The following DIP2B variants were observed in gnomAD, a reference collection of about 807,000 sequenced individuals.
The protein encoded by DIP2B is disco-interacting protein 2 homolog B.
Under a neutral mutation model 198.0 loss-of-function variants are expected in DIP2B, and 76 were observed. The ratio of observed to expected loss-of-function variants is 0.38; its 90% CI spans 0.32 to 0.46. The LOEUF is 0.46. DIP2B is among the 20% of genes least tolerant of loss of function. The pLI is 0.99. For synonymous variants in DIP2B, 701 were observed against 739.1 expected (o/e 0.95, Z 0.84); for missense variants, 1,559 against 1,978.4 (o/e 0.79, Z 4.02).
rs1205734576 is a variant in DIP2B at position 50,664,830 on chromosome 12, G to GTTTTTTTTTTTT, written c.427+4516_427+4517insTTTTTTTTTTTT. Among the ~76,000 whole-genome samples the GTTTTTTTTTTTT allele has an allele frequency of 6.0e-5, 6 of 99,686 alleles. 1 individual carries two copies. The highest frequency in any genetic ancestry group is 2.5e-4 in the African/African-American group (6 of 23,964). The allele number at this position is 99,686 out of a possible 152,430, so 65.4% of individuals were successfully genotyped here. A position where few individuals can be genotyped will look rare whatever the true frequency, so the allele number is the denominator to read the frequency against. ...CAAGGAGAATTTCCCTCCTTTTTTG[G>GTTTTTTTTTTTT]TTTTTGTTTTTTTTTTTTTTTTTTT... On this transcript the variant is annotated intron_variant, in intron 4 of 37. Coordinates refer to ENST00000301180, the MANE Select transcript of DIP2B (RefSeq NM_173602.3).
intron 31 of DIP2B, 143 bp downstream of exon 31, chr12:50,731,680 C>T (rs1940045380): frequency 2.0e-6 from 2 of 1,004,580 alleles, no homozygotes; most frequent in African/African-American, 3.2e-5. Context: ...GTATTTTAAA[C>T]TTTGGCAAGT....
chr12:50,629,943 T>C (rs917955765), intron 2 of DIP2B, among the ~76,000 whole-genome samples: 2 of 147,156 alleles, frequency 1.4e-5, no homozygotes, highest in African/African-American at 5.0e-5. Context: ...TTTTGGTAAA[T>C]TTAATTTTTT....
At chr12:50,533,877 A>C (rs1177265001) in intron 1 of DIP2B, among the ~76,000 whole-genome samples, 1 of 152,108 alleles carries the variant, frequency 6.6e-6, no homozygotes, top group East Asian at 1.9e-4. Flanking sequence ...GGAGTGAGCC[A>C]CTGAGCCGGG....
intron 1 of DIP2B, among the ~76,000 whole-genome samples, chr12:50,604,937 C>T (rs776902719): frequency 7.2e-5 from 11 of 152,082 alleles, no homozygotes; most frequent in South Asian, 2.1e-4. Context: ...AAGGATAGTA[C>T]GTAGCCGGTA....
In DIP2B at chr12:50,732,405, G is replaced by A. The variant is rs758802436; in HGVS notation, c.3850G>A (p.Val1284Met). The change falls in exon 32 of 38, where the codon GTG becomes ATG. Residue 1284 changes from valine to methionine, a missense_variant. Coordinates refer to ENST00000301180, the MANE Select transcript of DIP2B (RefSeq NM_173602.3). ...CCTCTCCTGCGTCCGGACCTGTGTGGTGGTGGCGGAGGAGAGGCCCCGCGT... is the reference window on the plus strand; with the variant it reads ...CCTCTCCTGCGTCCGGACCTGTGTGATGGTGGCGGAGGAGAGGCCCCGCGT... ...INLSCVRTCV[V>M]VAEERPRVAL... 1.6e-5 allele frequency: 26 copies of A among 1,614,084 alleles called. No individual in the cohort carries two copies. Among genetic ancestry groups the A allele is most frequent in the Non-Finnish European group, 2.0e-5 (24 of 1,180,036 alleles).
intron 2 of DIP2B, among the ~76,000 whole-genome samples, chr12:50,634,419 GAA>G (rs1307722834): frequency 6.6e-6 from 1 of 152,166 alleles, no homozygotes; most frequent in Admixed American, 6.5e-5. Flanking sequence ...AGCTTTAATA[GAA>G]AAAGAGTTCA....
At chr12:50,604,087 T>C (rs1333635131) in intron 1 of DIP2B, among the ~76,000 whole-genome samples, 1 of 150,640 alleles carries the variant, frequency 6.6e-6, no homozygotes, top group African/African-American at 2.4e-5. Flanking sequence ...TAGATAGTGA[T>C]AGTGCATTCA....
intron 4 of DIP2B, among the ~76,000 whole-genome samples, chr12:50,662,607 A>T (rs1353786029): frequency 6.6e-6 from 1 of 152,176 alleles, no homozygotes; most frequent in Non-Finnish European, 1.5e-5. Flanking sequence ...TTGTAGCTTA[A>T]TCCTACATCA....
rs527442426 is a variant in DIP2B, at chr12:50,711,859, T to C, written c.2650-2536T>C. Among the ~76,000 whole-genome samples, 9 of 152,290 alleles carry C rather than the reference T, an allele frequency of 5.9e-5. No individual in the cohort carries two copies. The South Asian group carries it at 1.9e-3, about 32-fold the overall frequency. On this transcript the variant is annotated intron_variant, in intron 22 of 37. Coordinates refer to ENST00000301180, the MANE Select transcript of DIP2B (RefSeq NM_173602.3). ...ACAGGCGTGAGTCACTGCACCTGGC[T>C]CCTTAAATTGTTTTAATAAAAGGCC...
intron 1 of DIP2B, among the ~76,000 whole-genome samples, chr12:50,562,062 G>T (rs1314138412): frequency 6.6e-6 from 1 of 152,126 alleles, no homozygotes; most frequent in African/African-American, 2.4e-5. Flanking sequence ...AATAAATAAG[G>T]TATCATTCAG....
At chr12:50,643,401 TTTTC>T (rs1938293891) in intron 3 of DIP2B, among the ~76,000 whole-genome samples, 2 of 113,958 alleles carry the variant, frequency 1.8e-5, no homozygotes, top group South Asian at 6.6e-4. Flanking sequence ...CACTGGGAGT[TTTTC>T]TGTGTGTGTG....
At chr12:50,710,754 C>A (rs1445208007) in intron 22 of DIP2B, among the ~76,000 whole-genome samples, 1 of 152,130 alleles carries the variant, frequency 6.6e-6, no homozygotes, top group Non-Finnish European at 1.5e-5. Context: ...TTCTTTCTAT[C>A]CTCAGGGTCT....
intron 3 of DIP2B, 64 bp downstream of exon 3, chr12:50,640,916 C>T (rs1938245611): frequency 3.2e-6 from 5 of 1,545,732 alleles, no homozygotes; most frequent in Non-Finnish European, 3.5e-6. Flanking sequence ...AACTGTGTAT[C>T]CTGAGAGCTT....
intron 1 of DIP2B, among the ~76,000 whole-genome samples, chr12:50,597,968 C>T (rs779178161): frequency 1.9e-4 from 29 of 152,258 alleles, no homozygotes; most frequent in Non-Finnish European, 2.8e-4. Flanking sequence ...AAAGTGAGCA[C>T]GCTTGCTGAA....
At chr12:50,712,163 G>A (rs1158616699) in intron 22 of DIP2B, among the ~76,000 whole-genome samples, 1 of 152,112 alleles carries the variant, frequency 6.6e-6, no homozygotes, top group Non-Finnish European at 1.5e-5. Context: ...GCAAGACCCT[G>A]TCATTCATAC....
rs778345723 is a variant in DIP2B, at chr12:50,721,319, C to G, written c.3089C>G (p.Ala1030Gly). ...TASCLQLHKR[A>G]ERIASVLGDK... ...AGCTGCCTTCAGCTTCATAAGCGAGCAGAGAGGATTGCATCTGTTCTTGGT... is the reference window on the plus strand; with the variant it reads ...AGCTGCCTTCAGCTTCATAAGCGAGGAGAGAGGATTGCATCTGTTCTTGGT... Residue 1030 changes from alanine (A) to glycine (G), a missense_variant, in exon 26 of 38, where the codon GCA becomes GGA. Ala to Gly is a moderately conservative substitution (Grantham distance 60). Transcript: ENST00000301180. 1 of 1,614,124 alleles carries G rather than the reference C, an allele frequency of 6.2e-7. No individual in the cohort carries two copies. Among genetic ancestry groups the G allele is most frequent in the East Asian group, 2.2e-5 (1 of 44,890 alleles).
chr12:50,748,177 C>CT lies in DIP2B; in HGVS notation c.*3341dup, dbSNP rs1940366216. 1 of 152,666 alleles carries CT rather than the reference C, an allele frequency of 6.6e-6. No homozygotes were observed. Among genetic ancestry groups the CT allele is most frequent in the Non-Finnish European group, 1.5e-5 (1 of 68,040 alleles). 9.5% of individuals were successfully genotyped at this position (152,666 alleles called of 1,614,324 possible). Reference sequence around the variant, plus strand: ...CTCTATATCTTGGCCAAATAAATTACTTTCCTTGAATATCCAGGAATCTTT... The same window carrying CT: ...CTCTATATCTTGGCCAAATAAATTACTTTTCCTTGAATATCCAGGAATCTTT... On this transcript the variant is annotated 3_prime_UTR_variant, in exon 38 of 38. Coordinates refer to ENST00000301180, the MANE Select transcript of DIP2B (RefSeq NM_173602.3).
chr12:50,728,494 T>C (rs758844402), intron 29 of DIP2B, 54 bp from the exon 30 acceptor site: 39 of 1,577,378 alleles, frequency 2.5e-5, no homozygotes, highest in Non-Finnish European at 3.4e-5. Context: ...TCAGAGCTGT[T>C]ACTCTGCCTG....
At chr12:50,658,964 G>A (rs1938599835) in intron 3 of DIP2B, among the ~76,000 whole-genome samples, 1 of 152,182 alleles carries the variant, frequency 6.6e-6, no homozygotes, top group East Asian at 1.9e-4. Context: ...GCGTGTACCT[G>A]TAGTCCCAGC....
Sources: gnomAD v4.1 joint callset for allele counts (sites outside exome capture counted in the v4.1 genomes callset) on GRCh38, gnomAD v4.1.1 for gene constraint, MANE v1.5 for transcripts, NCBI Gene and HGNC (gene_info 2026-07-23, HGNC 2026-07-21) for gene names.